The following PATJ variants were observed in gnomAD, a reference collection of about 807,000 sequenced individuals.
The protein encoded by PATJ is PATJ crumbs cell polarity complex component, also known as inaD-like protein.
PATJ carries 190 observed loss-of-function variants against 224.9 expected under a neutral mutation model. That is an observed-to-expected ratio of 0.84 (90% CI 0.75 to 0.95). The LOEUF is 0.95. Among genes scored for constraint, PATJ ranks in the 40% least tolerant of loss-of-function variants. PATJ has a pLI of 0.00. For missense variants in PATJ, 2,121 were observed against 2,270.3 expected (o/e 0.93, Z 1.34); for synonymous variants, 769 against 820.3 (o/e 0.94, Z 1.07).
chr1:61,907,158 C>G (rs1406373126), intron 24 of PATJ, among the ~76,000 whole-genome samples: 1 of 152,166 alleles, frequency 6.6e-6, no homozygotes, highest in East Asian at 1.9e-4. Context: ...CCCAGCCATA[C>G]AGAACCATGA....
chr1:62,090,584 G>A (rs537893027), intron 33 of PATJ, among the ~76,000 whole-genome samples: 1 of 152,094 alleles, frequency 6.6e-6, no homozygotes, highest in East Asian at 1.9e-4. Context: ...TTATTAGCCG[G>A]GAAGCCAGAT....
At chr1:62,011,754 A>G (rs1269747658) in intron 28 of PATJ, among the ~76,000 whole-genome samples, 1 of 151,808 alleles carries the variant, frequency 6.6e-6, no homozygotes, top group East Asian at 1.9e-4. Flanking sequence ...AGATGTACCT[A>G]TATACTGAAA....
At chr1:62,140,132 T>A (rs1667350358) in intron 41 of PATJ, among the ~76,000 whole-genome samples, 1 of 152,126 alleles carries the variant, frequency 6.6e-6, no homozygotes, top group African/African-American at 2.4e-5. Flanking sequence ...TCAGTGAAAG[T>A]CCATCACGTT....
chr1:62,114,329 T>C, intron 35 of PATJ, 83 bp downstream of exon 35: 1 of 1,167,946 alleles, frequency 8.6e-7, no homozygotes, highest in Non-Finnish European at 1.2e-6. Flanking sequence ...GAAAGCCTAA[T>C]GTAAAGTAGT....
chr1:62,031,988 C>A (rs1570205670), intron 29 of PATJ, among the ~76,000 whole-genome samples: 2 of 152,208 alleles, frequency 1.3e-5, no homozygotes, highest in East Asian at 3.9e-4. Flanking sequence ...TATTAATTTT[C>A]TCTTGCTATG....
intron 33 of PATJ, among the ~76,000 whole-genome samples, chr1:62,085,526 T>C (rs1659850524): frequency 6.6e-6 from 1 of 152,140 alleles, no homozygotes; most frequent in South Asian, 2.1e-4. Flanking sequence ...ATTCTCATCA[T>C]CATTATTTAA....
rs1354812770 is a variant in PATJ at position 62,028,969 on chromosome 1, A to ATACATACATACATACG, written c.3960-8993_3960-8992insGTACATACATACATAC. Among the ~76,000 whole-genome samples, 181 of 151,618 alleles carry ATACATACATACATACG rather than the reference A, an allele frequency of 1.2e-3. 1 individual carries two copies. The highest frequency in any genetic ancestry group is 4.4e-3 in the African/African-American group (180 of 41,268). ...AGAGCGAGACCCTGTCTCAAAATAC[A>ATACATACATACATACG]TACATACATACATACATACATACAT... On this transcript the variant is annotated intron_variant, in intron 29 of 43. Transcript: ENST00000642238.
At chr1:61,858,355 C>T (rs1664030482) in intron 18 of PATJ, among the ~76,000 whole-genome samples, 1 of 152,150 alleles carries the variant, frequency 6.6e-6, no homozygotes, top group South Asian at 2.1e-4. Context: ...CTCCATCTCC[C>T]AGGTTCAAGC....
chr1:61,883,600 A>C (rs1330752768), intron 21 of PATJ, among the ~76,000 whole-genome samples: 1 of 151,876 alleles, frequency 6.6e-6, no homozygotes, highest in African/African-American at 2.4e-5. Flanking sequence ...AAATACAAAA[A>C]TTATTGTATT....
At chr1:61,971,683 T>G (rs1309815464) in intron 27 of PATJ, among the ~76,000 whole-genome samples, 1 of 151,472 alleles carries the variant, frequency 6.6e-6, no homozygotes, top group Non-Finnish European at 1.5e-5. Context: ...TTAAAAGAAA[T>G]ATTTGTTATT....
At chr1:62,133,023 A>G (rs1032557819) in intron 41 of PATJ, among the ~76,000 whole-genome samples, 13 of 152,226 alleles carry the variant, frequency 8.5e-5, no homozygotes, top group Non-Finnish European at 1.8e-4. Context: ...AAAACACAGG[A>G]AACAAGTAGA....
intron 15 of PATJ, among the ~76,000 whole-genome samples, chr1:61,826,897 G>A (rs1570740040): frequency 6.6e-6 from 1 of 152,110 alleles, no homozygotes; most frequent in East Asian, 1.9e-4. Context: ...GTGGACTGAC[G>A]TTAAATTTTG....
Position 61,829,646 on chromosome 1 carries a change from T to C in PATJ, c.1980+2063T>C, listed in dbSNP as rs376064492. 1.7e-4 allele frequency among the ~76,000 whole-genome samples: 26 copies of C among 152,364 alleles called. No homozygotes were observed. In the East Asian group the frequency reaches 2.9e-3, roughly 17 times the overall value. On this transcript the variant is annotated intron_variant, in intron 16 of 43. Transcript: ENST00000642238. ...TTTCAGGTTGCAGTATAATATCTTATGTACCTTGAATGCCTTGAAATTTCT... is the reference window on the plus strand; with the variant it reads ...TTTCAGGTTGCAGTATAATATCTTACGTACCTTGAATGCCTTGAAATTTCT...
At chr1:62,122,972 A>G in intron 38 of PATJ, 49 bp from the exon 39 acceptor site, 1 of 1,244,612 alleles carries the variant, frequency 8.0e-7, no homozygotes, top group East Asian at 2.6e-5. Context: ...TATATGCTAA[A>G]TATATTATTT....
At chr1:61,993,189 T>C (rs943339936) in intron 28 of PATJ, among the ~76,000 whole-genome samples, 2 of 152,200 alleles carry the variant, frequency 1.3e-5, no homozygotes, top group Non-Finnish European at 2.9e-5. Flanking sequence ...CAGGTTTGAT[T>C]AATTTGCTAG....
At chr1:61,945,783 G>T (rs1280746499) in intron 27 of PATJ, among the ~76,000 whole-genome samples, 1 of 152,082 alleles carries the variant, frequency 6.6e-6, no homozygotes, top group Non-Finnish European at 1.5e-5. Flanking sequence ...GCACCACATC[G>T]CACTTATTCC....
intron 16 of PATJ, among the ~76,000 whole-genome samples, chr1:61,831,570 T>A (rs558221956): frequency 6.6e-6 from 1 of 152,250 alleles, no homozygotes; most frequent in Non-Finnish European, 1.5e-5. Context: ...CCAACCACCA[T>A]ATGAAAAAAT....
intron 41 of PATJ, among the ~76,000 whole-genome samples, chr1:62,139,375 G>C (rs1425199532): frequency 3.7e-5 from 5 of 134,534 alleles, no homozygotes; most frequent in Non-Finnish European, 7.5e-5. Context: ...ACTCCAGCCT[G>C]GGCGACACAG....
chr1:62,095,421 T>C (rs1167962262), intron 33 of PATJ, among the ~76,000 whole-genome samples: 2 of 152,220 alleles, frequency 1.3e-5, no homozygotes, highest in East Asian at 3.8e-4. Context: ...ATAAGTAACT[T>C]TCCAACTCAT....
Sources: allele counts gnomAD v4.1 joint callset (sites outside exome capture counted in the v4.1 genomes callset), GRCh38; gene constraint gnomAD v4.1.1; transcripts MANE v1.5; gene names NCBI Gene and HGNC (gene_info 2026-07-23, HGNC 2026-07-21).